TBL1XR1: variants seen among roughly 807,000 people sequenced by gnomAD.
TBL1XR1 encodes the protein F-box-like/WD repeat-containing protein TBL1XR1.
TBL1XR1 carries 5 observed loss-of-function variants against 66.9 expected under a neutral mutation model. That is an observed-to-expected ratio of 0.07 (90% CI 0.04 to 0.16). The LOEUF (loss-of-function observed/expected upper bound fraction) is 0.16. Ranked by LOEUF, TBL1XR1 falls within the 10% of genes least tolerant of loss-of-function variation. The pLI is 1.00. For missense variants in TBL1XR1, 238 were observed against 623.2 expected (o/e 0.38, Z 6.58); for synonymous variants, 210 against 206.0 (o/e 1.02, Z -0.17).
At chr3:177,069,793 A>AAAGGAAGGAAAGGAAGG (rs1719681952) in intron 2 of TBL1XR1, among the ~76,000 whole-genome samples, 42 of 92,418 alleles carry the variant, frequency 4.5e-4, no homozygotes, top group African/African-American at 1.2e-3. Flanking sequence ...AAAAGGAAGG[A>AAAGGAAGGAAAGGAAGG]AAGGAAGGAA....
At chr3:177,035,689 T>C (rs763957135) in intron 12 of TBL1XR1, among the ~76,000 whole-genome samples, 1 of 152,154 alleles carries the variant, frequency 6.6e-6, no homozygotes, top group African/African-American at 2.4e-5. Flanking sequence ...GCTTTAATTA[T>C]AGGCATGAGC....
At chr3:177,027,827 T>A (rs1216031480) in intron 14 of TBL1XR1, 1 of 152,182 alleles carries the variant, frequency 6.6e-6, no homozygotes, top group Non-Finnish European at 1.5e-5. Flanking sequence ...AAATTTCTCA[T>A]AATTTATGAG....
At chr3:177,051,133 T>C (rs1400871077) in intron 5 of TBL1XR1, among the ~76,000 whole-genome samples, 8 of 152,182 alleles carry the variant, frequency 5.3e-5, no homozygotes, top group African/African-American at 4.8e-5. Context: ...TAAATCTAGC[T>C]TTTTGGAGCT....
chr3:177,162,325 A>AC (rs968822995), intron 1 of TBL1XR1, among the ~76,000 whole-genome samples: 3 of 152,216 alleles, frequency 2.0e-5, no homozygotes, highest in East Asian at 3.8e-4. Context: ...TACAGTGGTT[A>AC]CCTTTGGTGG....
chr3:177,095,345 C>A (rs1392490314), intron 2 of TBL1XR1, among the ~76,000 whole-genome samples: 1 of 151,668 alleles, frequency 6.6e-6, no homozygotes, highest in African/African-American at 2.4e-5. Flanking sequence ...TAGATTGTCT[C>A]AAAAAATAAT....
chr3:177,084,279 C>A (rs1721855498), intron 2 of TBL1XR1, among the ~76,000 whole-genome samples: 1 of 152,170 alleles, frequency 6.6e-6, no homozygotes, highest in Admixed American at 6.5e-5. Flanking sequence ...TAATCCCTGT[C>A]CTCACCACTC....
intron 4 of TBL1XR1, 43 bp from the exon 5 acceptor site, chr3:177,051,769 AT>A: frequency 6.9e-7 from 1 of 1,444,740 alleles, no homozygotes; most frequent in South Asian, 1.5e-5. Flanking sequence ...CAAAGGCAAT[AT>A]TTAAAGTTAT....
intron 3 of TBL1XR1, among the ~76,000 whole-genome samples, chr3:177,055,297 T>A (rs1272352708): frequency 6.6e-6 from 1 of 151,856 alleles, no homozygotes; most frequent in Admixed American, 6.6e-5. Flanking sequence ...GCTAGGAAAA[T>A]TTGGTTATTT....
In TBL1XR1 at chr3:177,019,630, C is replaced by T. The variant is rs1270793562; in HGVS notation, c.*5868G>A. 1 of 152,178 alleles carries T rather than the reference C, an allele frequency of 6.6e-6. No individual in the cohort carries two copies. The highest frequency in any genetic ancestry group is 2.1e-4 in the South Asian group (1 of 4,822). The allele number at this position is 152,178 out of a possible 1,614,324, so 9.4% of individuals were successfully genotyped here. ...ATGAATATATTGGTAAAACAGTAAA[C>T]TTTGATCTGATCTGCTACGGATTAT... On this transcript the variant is annotated 3_prime_UTR_variant, in exon 16 of 16. Transcript: ENST00000457928.
At chr3:177,088,720 A>AAG (rs531755582) in intron 2 of TBL1XR1, among the ~76,000 whole-genome samples, 31,831 of 151,514 alleles carry the variant, frequency 0.21, 3,688 homozygotes, top group East Asian at 0.5. Flanking sequence ...TAAAAAAAAA[A>AAG]AAAAGAAAAG....
At chr3:177,087,198 T>G (rs1722241925) in intron 2 of TBL1XR1, among the ~76,000 whole-genome samples, 2 of 144,866 alleles carry the variant, frequency 1.4e-5, no homozygotes, top group Admixed American at 7.2e-5. Flanking sequence ...CCTTCCATTT[T>G]GGGGTTGATT....
upstream of TBL1XR1, chr3:177,201,594 A>G (rs1449493187): frequency 6.6e-6 from 1 of 152,182 alleles, no homozygotes; most frequent in Non-Finnish European, 1.5e-5. Flanking sequence ...TACTATATAT[A>G]TTTTTAAATC....
chr3:177,177,976 T>G (rs1734356106), intron 1 of TBL1XR1, among the ~76,000 whole-genome samples: 1 of 152,164 alleles, frequency 6.6e-6, no homozygotes, highest in South Asian at 2.1e-4. Context: ...GGCAGTAATT[T>G]CAGTGTAACC....
intron 12 of TBL1XR1, among the ~76,000 whole-genome samples, chr3:177,034,752 C>G (rs1714525415): frequency 6.7e-6 from 1 of 148,996 alleles, no homozygotes; most frequent in Non-Finnish European, 1.5e-5. Flanking sequence ...TGAGGACTCA[C>G]AGAGAACCGT....
chr3:177,129,304 G>A (rs1358560115), intron 1 of TBL1XR1, among the ~76,000 whole-genome samples: 1 of 152,104 alleles, frequency 6.6e-6, no homozygotes, highest in African/African-American at 2.4e-5. Flanking sequence ...AGAAGAAAAT[G>A]ATTCCCTACT....
chr3:177,162,379 G>A (rs943127267), intron 1 of TBL1XR1, among the ~76,000 whole-genome samples: 2 of 152,186 alleles, frequency 1.3e-5, no homozygotes, highest in African/African-American at 2.4e-5. Flanking sequence ...CCTGCCTGCC[G>A]GAAGGCATGA....
chr3:177,104,049 G>C (rs1724556338), intron 1 of TBL1XR1, among the ~76,000 whole-genome samples: 1 of 151,518 alleles, frequency 6.6e-6, no homozygotes, highest in South Asian at 2.1e-4. Flanking sequence ...CCAGGAGGCA[G>C]AGGTTGCAGT....
intron 1 of TBL1XR1, among the ~76,000 whole-genome samples, chr3:177,171,995 G>GT (rs1167335593): frequency 1.3e-5 from 2 of 151,978 alleles, no homozygotes; most frequent in African/African-American, 4.8e-5. Context: ...GCCAGATGCG[G>GT]TGGCTCACGC....
chr3:177,180,864 GTAGCTACGATT>G (rs1173367552), intron 1 of TBL1XR1, among the ~76,000 whole-genome samples: 1 of 152,026 alleles, frequency 6.6e-6, no homozygotes, highest in East Asian at 1.9e-4. Context: ...AGCCTCTGGA[GTAGCTACGATT>G]ACAGGCCACC....
Sources: allele counts gnomAD v4.1 joint callset (sites outside exome capture counted in the v4.1 genomes callset), GRCh38; gene constraint gnomAD v4.1.1; transcripts MANE v1.5; gene names NCBI Gene and HGNC (gene_info 2026-07-23, HGNC 2026-07-21).